KCMF1: variants seen among roughly 807,000 people sequenced by gnomAD.
KCMF1 encodes E3 ubiquitin-protein ligase KCMF1.
Under a neutral mutation model 41.1 loss-of-function variants are expected in KCMF1, and 3 were observed. That is an observed-to-expected ratio of 0.07 (90% CI 0.03 to 0.19). KCMF1 has a LOEUF of 0.19. Ranked by LOEUF, KCMF1 falls within the 10% of genes least tolerant of loss-of-function variation. The pLI, the probability that KCMF1 is intolerant of heterozygous loss-of-function variation, is 1.00. For synonymous variants in KCMF1, 142 were observed against 164.5 expected, an observed-to-expected ratio of 0.86 and a Z score of 1.04; for missense variants, 286 against 488.9, an observed-to-expected ratio of 0.58 and a Z score of 3.91.
chr2:85,050,615 CTT>C (rs1313705929), intron 6 of KCMF1, among the ~76,000 whole-genome samples: 5 of 152,136 alleles, frequency 3.3e-5, no homozygotes, highest in Non-Finnish European at 7.3e-5. Context: ...TGAGTGGAGA[CTT>C]AGCCTCAACA....
chr2:84,986,895 A>G (rs1260713770), intron 1 of KCMF1, among the ~76,000 whole-genome samples: 1 of 152,020 alleles, frequency 6.6e-6, no homozygotes, highest in East Asian at 1.9e-4. Flanking sequence ...AAAAAGAAAG[A>G]AAGGTTGATG....
At chr2:85,003,860 A>G (rs544245278) in intron 1 of KCMF1, among the ~76,000 whole-genome samples, 1 of 152,288 alleles carries the variant, frequency 6.6e-6, no homozygotes, top group East Asian at 1.9e-4. Flanking sequence ...TGTGTGAGGA[A>G]GCTAAAAAGG....
intron 1 of KCMF1, among the ~76,000 whole-genome samples, chr2:84,972,913 T>C (rs1673441989): frequency 1.3e-5 from 2 of 152,226 alleles, no homozygotes; most frequent in Admixed American, 6.5e-5. Flanking sequence ...ATGAGGTACC[T>C]AGCCTCATTG....
intron 1 of KCMF1, among the ~76,000 whole-genome samples, chr2:85,006,331 C>G (rs1326370718): frequency 5.7e-5 from 7 of 123,394 alleles, no homozygotes; most frequent in Non-Finnish European, 9.5e-5. Flanking sequence ...GATGGAGTCT[C>G]GCACTCTCAC....
At chr2:85,013,247 A>G (rs972312002) in intron 1 of KCMF1, among the ~76,000 whole-genome samples, 5 of 152,200 alleles carry the variant, frequency 3.3e-5, no homozygotes, top group South Asian at 2.1e-4. Flanking sequence ...GTTGCTAGAA[A>G]TAGTAGTGTT....
chr2:84,977,708 G>A (rs1673585790), intron 1 of KCMF1, among the ~76,000 whole-genome samples: 1 of 151,792 alleles, frequency 6.6e-6, no homozygotes, highest in Admixed American at 6.6e-5. Flanking sequence ...GGTGTGAGCT[G>A]CCATGCCCAG....
intron 2 of KCMF1, among the ~76,000 whole-genome samples, chr2:85,032,990 T>A (rs1408507309): frequency 6.6e-6 from 1 of 152,242 alleles, no homozygotes; most frequent in Non-Finnish European, 1.5e-5. Flanking sequence ...TGTCTTGTTC[T>A]GATCTTAGGG....
chr2:85,022,497 T>C (rs1242823009), intron 1 of KCMF1, among the ~76,000 whole-genome samples: 2 of 152,162 alleles, frequency 1.3e-5, no homozygotes, highest in Non-Finnish European at 2.9e-5. Flanking sequence ...GCCAAAACTA[T>C]GTTGGTTTTC....
Position 85,056,638 on chromosome 2 carries a change from CTT to C in KCMF1, c.*3232_*3233del, listed in dbSNP as rs1308133812. 4 of 152,260 alleles carry C rather than the reference CTT, an allele frequency of 2.6e-5. No individual in the cohort carries two copies. Among genetic ancestry groups the C allele is most frequent in the South Asian group, 2.1e-4 (1 of 4,814 alleles). 9.4% of individuals were successfully genotyped at this position (152,260 alleles called of 1,614,324 possible). A position where few individuals can be genotyped will look rare whatever the true frequency, so the allele number is the denominator to read the frequency against. On this transcript the variant is annotated 3_prime_UTR_variant, in exon 7 of 7. Transcript: ENST00000409785. ...GTAGCAGGTGGCTGCAGAAAAGAAT[CTT>C]TTGAATGGGATTCCTGTAACAGTGT... is the stretch of plus-strand genomic sequence containing the variant.
chr2:85,002,671 A>G (rs1468097890), intron 1 of KCMF1, among the ~76,000 whole-genome samples: 2 of 150,938 alleles, frequency 1.3e-5, no homozygotes, highest in East Asian at 3.9e-4. Flanking sequence ...ACCAGGTTGC[A>G]TTTAGTGTCT....
intron 3 of KCMF1, among the ~76,000 whole-genome samples, chr2:85,035,576 T>C (rs1675386476): frequency 6.6e-6 from 1 of 152,226 alleles, no homozygotes; most frequent in Non-Finnish European, 1.5e-5. Flanking sequence ...TTGTCACATC[T>C]CATTGTAGCA....
intron 2 of KCMF1, among the ~76,000 whole-genome samples, chr2:85,032,722 G>A (rs115045779): frequency 0.027 from 4,126 of 152,234 alleles, 93 homozygotes; most frequent in Middle Eastern, 0.058. Context: ...TAGTTGGCCA[G>A]GCTGGTCTTG....
intron 3 of KCMF1, among the ~76,000 whole-genome samples, chr2:85,041,035 C>T (rs1389662659): frequency 6.6e-6 from 1 of 152,120 alleles, no homozygotes; most frequent in Non-Finnish European, 1.5e-5. Context: ...GCTGGGATTA[C>T]AGGCATGAGC....
chr2:85,018,476 G>GC (rs1282151823), intron 1 of KCMF1, among the ~76,000 whole-genome samples: 1 of 151,830 alleles, frequency 6.6e-6, no homozygotes, highest in East Asian at 1.9e-4. Context: ...TGCCATGTTG[G>GC]CCAGGCTGGT....
At chr2:85,033,571 G>T (rs1002908808) in intron 2 of KCMF1, among the ~76,000 whole-genome samples, 5 of 152,190 alleles carry the variant, frequency 3.3e-5, no homozygotes. Context: ...CCAAACAGTT[G>T]TAAGTGACAG....
At chr2:85,044,309 C>T (rs1027594716) in intron 4 of KCMF1, among the ~76,000 whole-genome samples, 6 of 151,836 alleles carry the variant, frequency 4.0e-5, no homozygotes, top group Admixed American at 6.6e-5. Context: ...CATTTCCTGC[C>T]GAGTTCCTGA....
At chr2:84,972,287 A>G (rs1244044684) in intron 1 of KCMF1, 3 of 152,278 alleles carry the variant, frequency 2.0e-5, no homozygotes, top group Non-Finnish European at 2.9e-5. Context: ...TTGTTTTGCC[A>G]TTTTAAAACA....
chr2:84,975,870 T>C (rs1291831487), intron 1 of KCMF1, among the ~76,000 whole-genome samples: 1 of 152,226 alleles, frequency 6.6e-6, no homozygotes. Context: ...AAATCATGAA[T>C]GTTCTTGCAT....
rs538048924 is a variant in KCMF1 at position 85,040,258 on chromosome 2, G to A, written c.325-3306G>A. On this transcript the variant is annotated intron_variant, in intron 3 of 6. Transcript: ENST00000409785. ...TGAATAATAGATATTACTCTATCGT[G>A]TGGCAGTGGAAGTATGATAAATATT... Among the ~76,000 whole-genome samples the A allele has an allele frequency of 7.9e-5, 12 of 152,280 alleles. No homozygotes were observed. In the South Asian group the frequency reaches 2.1e-3, roughly 26 times the overall value.
Sources: allele counts gnomAD v4.1 joint callset (sites outside exome capture counted in the v4.1 genomes callset), GRCh38; gene constraint gnomAD v4.1.1; transcripts MANE v1.5; gene names NCBI Gene and HGNC (gene_info 2026-07-23, HGNC 2026-07-21).